The following CSMD1 variants were observed in gnomAD, a reference collection of about 807,000 sequenced individuals.
CSMD1 encodes CUB and sushi domain-containing protein 1.
A neutral mutation model predicts 417.5 loss-of-function variants in CSMD1; 213 were observed. That is an observed-to-expected ratio of 0.51 (90% CI 0.46 to 0.57). The LOEUF (loss-of-function observed/expected upper bound fraction) is 0.57, where lower values mean the gene tolerates loss of function less well. Among genes scored for constraint, CSMD1 ranks in the 20% least tolerant of loss-of-function variants. CSMD1 has a pLI of 0.00. For missense variants in CSMD1, 6,923 were observed against 4,529.7 expected, an observed-to-expected ratio of 1.53 and a Z score of -15.17; for synonymous variants, 2,862 against 1,736.8, an observed-to-expected ratio of 1.65 and a Z score of -16.11.
chr8:4,981,726 G>T (rs763233648), intron 1 of CSMD1, among the ~76,000 whole-genome samples: 14 of 152,242 alleles, frequency 9.2e-5, no homozygotes, highest in Non-Finnish European at 1.9e-4. Flanking sequence ...GCTGATGTCC[G>T]TGCCCTAGGG....
At chr8:4,195,480 G>C (rs547876094) in intron 3 of CSMD1, among the ~76,000 whole-genome samples, 7 of 152,168 alleles carry the variant, frequency 4.6e-5, no homozygotes, top group African/African-American at 1.4e-4. Flanking sequence ...CTCCTCGTGA[G>C]TCTCACCCTC....
chr8:4,787,512 T>C, intron 1 of CSMD1: 1 of 1,032,794 alleles, frequency 9.7e-7, no homozygotes, highest in Non-Finnish European at 1.5e-6. Flanking sequence ...ATTTTTCAGT[T>C]ATTATAGGAA....
chr8:3,873,127 T>C (rs1283739561), intron 5 of CSMD1, among the ~76,000 whole-genome samples: 7 of 152,048 alleles, frequency 4.6e-5, no homozygotes, highest in Non-Finnish European at 7.4e-5. Flanking sequence ...AGTTCAACTA[T>C]TGAGGAAACT....
intron 8 of CSMD1, among the ~76,000 whole-genome samples, chr8:3,597,508 T>G (rs1383669436): frequency 6.6e-6 from 1 of 152,174 alleles, no homozygotes; most frequent in Non-Finnish European, 1.5e-5. Context: ...GCAGCTGAGA[T>G]AAAACATGAG....
intron 3 of CSMD1, among the ~76,000 whole-genome samples, chr8:4,080,357 A>C (rs992566905): frequency 8.0e-5 from 12 of 149,178 alleles, no homozygotes; most frequent in African/African-American, 2.7e-4. Flanking sequence ...GGTGAAGCAA[A>C]ATCTACACAA....
At chr8:3,034,035 C>T (rs1810511695) in intron 50 of CSMD1, among the ~76,000 whole-genome samples, 1 of 152,206 alleles carries the variant, frequency 6.6e-6, no homozygotes, top group African/African-American at 2.4e-5. Flanking sequence ...GCTGCCTCCC[C>T]ATGTGCCTTC....
At chr8:4,560,511 A>G (rs1261812858) in intron 2 of CSMD1, among the ~76,000 whole-genome samples, 1 of 152,204 alleles carries the variant, frequency 6.6e-6, no homozygotes, top group Non-Finnish European at 1.5e-5. Context: ...CCCAAACTTT[A>G]ACATGATTTT....
At chr8:3,041,024 A>G (rs990270229) in intron 50 of CSMD1, among the ~76,000 whole-genome samples, 44 of 152,240 alleles carry the variant, frequency 2.9e-4, no homozygotes, top group African/African-American at 1.0e-3. Flanking sequence ...ATTTTTCTTC[A>G]TATCGGTAAA....
chr8:3,954,340 G>C (rs901448424), intron 5 of CSMD1, among the ~76,000 whole-genome samples: 1 of 152,070 alleles, frequency 6.6e-6, no homozygotes, highest in Non-Finnish European at 1.5e-5. Context: ...AGAAGGTCAA[G>C]AGCCATTTAA....
At chr8:4,001,869 GA>G (rs1271233779) in intron 4 of CSMD1, among the ~76,000 whole-genome samples, 1 of 150,046 alleles carries the variant, frequency 6.7e-6, no homozygotes, top group Non-Finnish European at 1.5e-5. Flanking sequence ...ATAAAATGAA[GA>G]AAAAAACAAT....
rs1431888001 is a variant in CSMD1, at chr8:3,899,964, T to G, written c.818+97939A>C. ...ATTCCCATGGGAAGGGTAGTTGCTCTCCACTGGGCTTGTTGAGCTGCAGCT... is the reference window on the plus strand; with the variant it reads ...ATTCCCATGGGAAGGGTAGTTGCTCGCCACTGGGCTTGTTGAGCTGCAGCT... On this transcript the variant is annotated intron_variant, in intron 5 of 69. Transcript: ENST00000635120. Among the ~76,000 whole-genome samples the G allele has an allele frequency of 2.6e-5, 4 of 152,280 alleles. No homozygotes were observed. In the East Asian group the frequency reaches 7.7e-4, roughly 29 times the overall value.
chr8:3,704,951 T>G (rs956282033), intron 7 of CSMD1: 5 of 152,228 alleles, frequency 3.3e-5, no homozygotes, highest in African/African-American at 9.7e-5. Flanking sequence ...TGCCCAGTGT[T>G]TGTTTTTACT....
rs764157534 is a variant in CSMD1, at chr8:3,199,791, G to C, written c.5117C>G (p.Ala1706Gly). 5 of 1,575,670 alleles carry C rather than the reference G, an allele frequency of 3.2e-6. No homozygotes were observed. The highest frequency in any genetic ancestry group is 3.4e-6 in the Non-Finnish European group (4 of 1,159,914). ...TCGGAGCAGAATTTGATTTGACGTAGCCAAGGGCAATGTTTCCCCTAGAAA... is the reference window on the plus strand; with the variant it reads ...TCGGAGCAGAATTTGATTTGACGTACCCAAGGGCAATGTTTCCCCTAGAAA... ...GSHSGETLPL[A>G]TSNQILLRFS... The change falls in exon 33 of 70, where the codon GCT (alanine) becomes GGT (glycine). Residue 1706 changes from alanine to glycine, a missense_variant. Physicochemically the swap from Ala to Gly is moderately conservative, Grantham distance 60. Coordinates refer to ENST00000635120, the MANE Select transcript of CSMD1 (RefSeq NM_033225.6).
intron 5 of CSMD1, among the ~76,000 whole-genome samples, chr8:3,968,826 G>A (rs1410374144): frequency 2.0e-5 from 3 of 152,142 alleles, no homozygotes; most frequent in Non-Finnish European, 4.4e-5. Context: ...ATCCAGTATA[G>A]GACAAGATTT....
intron 1 of CSMD1, among the ~76,000 whole-genome samples, chr8:4,736,564 A>T (rs1431678273): frequency 6.6e-6 from 1 of 152,178 alleles, no homozygotes; most frequent in Non-Finnish European, 1.5e-5. Context: ...AGGGAAGGTG[A>T]ACACTCAATC....
chr8:3,298,015 G>C (rs75188574), intron 25 of CSMD1, among the ~76,000 whole-genome samples: 9 of 152,042 alleles, frequency 5.9e-5, no homozygotes, highest in Admixed American at 6.6e-5. Context: ...TTGATCAGTC[G>C]TCAGGGAAAT....
chr8:3,500,936 T>A (rs542964159), intron 10 of CSMD1, among the ~76,000 whole-genome samples: 1 of 152,160 alleles, frequency 6.6e-6, no homozygotes, highest in Non-Finnish European at 1.5e-5. Context: ...ATGGAGAATA[T>A]TGCAAGAGAA....
intron 3 of CSMD1, among the ~76,000 whole-genome samples, chr8:4,045,417 G>A (rs910034146): frequency 2.6e-5 from 4 of 152,162 alleles, no homozygotes; most frequent in Non-Finnish European, 5.9e-5. Context: ...AATGACAAGT[G>A]GCCACAGCAG....
intron 23 of CSMD1, among the ~76,000 whole-genome samples, chr8:3,315,824 A>G (rs1805715991): frequency 6.6e-6 from 1 of 152,210 alleles, no homozygotes. Flanking sequence ...AATAAATCAT[A>G]AAGCAAGTTA....
Sources: allele counts gnomAD v4.1 joint callset (sites outside exome capture counted in the v4.1 genomes callset), GRCh38; gene constraint gnomAD v4.1.1; transcripts MANE v1.5; gene names NCBI Gene and HGNC (gene_info 2026-07-23, HGNC 2026-07-21).